Variants in TMEM135 observed in about 807,000 individuals in gnomAD.
TMEM135 encodes the protein transmembrane protein 135.
A neutral mutation model predicts 60.3 loss-of-function variants in TMEM135; 30 were observed. That is an observed-to-expected ratio of 0.50 (90% CI 0.37 to 0.68). The LOEUF is 0.68. Among genes scored for constraint, TMEM135 ranks in the 30% least tolerant of loss-of-function variants. The pLI, the probability that TMEM135 is intolerant of heterozygous loss-of-function variation, is 0.00. For missense variants in TMEM135, 468 were observed against 548.8 expected, an observed-to-expected ratio of 0.85 and a Z score of 1.47; for synonymous variants, 190 against 186.7, an observed-to-expected ratio of 1.02 and a Z score of -0.14.
intron 5 of TMEM135, among the ~76,000 whole-genome samples, chr11:87,224,013 G>T (rs1940711903): frequency 1.3e-5 from 2 of 152,196 alleles, no homozygotes; most frequent in African/African-American, 2.4e-5. Context: ...ATTAAGGAAA[G>T]ATTTTCTCAA....
intron 4 of TMEM135, among the ~76,000 whole-genome samples, chr11:87,123,981 A>G (rs1937649063): frequency 6.6e-6 from 1 of 152,194 alleles, no homozygotes; most frequent in African/African-American, 2.4e-5. Flanking sequence ...CTGCACCTGA[A>G]ACTAAGTGAT....
chr11:87,154,286 CATGTTGTATACT>C (rs1332531265), intron 4 of TMEM135, among the ~76,000 whole-genome samples: 7 of 152,240 alleles, frequency 4.6e-5, no homozygotes, highest in Non-Finnish European at 1.0e-4. Flanking sequence ...AGTGCTCATC[CATGTTGTATACT>C]ATATCAGAAT....
At chr11:87,168,413 A>G (rs550363715) in intron 5 of TMEM135, among the ~76,000 whole-genome samples, 2 of 151,870 alleles carry the variant, frequency 1.3e-5, no homozygotes, top group Non-Finnish European at 2.9e-5. Flanking sequence ...TTGATTTTAG[A>G]TCTTTCCCAC....
intron 3 of TMEM135, among the ~76,000 whole-genome samples, chr11:87,075,177 G>A (rs1021846094): frequency 6.6e-6 from 1 of 151,346 alleles, no homozygotes; most frequent in Non-Finnish European, 1.5e-5. Flanking sequence ...TATTTTTTTT[G>A]AGACGGAGTC....
rs1940934067 is a variant in TMEM135, at chr11:87,233,601, T to A, written c.463-3037T>A. Among the ~76,000 whole-genome samples, 3 of 152,148 alleles carry A rather than the reference T, an allele frequency of 2.0e-5. 1 individual carries two copies. In the South Asian group the frequency reaches 6.2e-4, roughly 31 times the overall value. ...TTTAAATATGTACAATTTATATTAA[T>A]TATACCTCAATAAAGCTATTAAATC... On this transcript the variant is annotated intron_variant, in intron 5 of 14. Coordinates refer to ENST00000305494, the MANE Select transcript of TMEM135 (RefSeq NM_022918.4).
At chr11:87,167,001 C>G (rs539519105) in intron 5 of TMEM135, among the ~76,000 whole-genome samples, 1 of 152,204 alleles carries the variant, frequency 6.6e-6, no homozygotes, top group South Asian at 2.1e-4. Context: ...GTTTCTGGAT[C>G]TCTTTGAAGA....
chr11:87,302,501 A>C (rs1942467123), intron 8 of TMEM135, 59 bp downstream of exon 8: 16 of 1,604,672 alleles, frequency 1.0e-5, no homozygotes, highest in Non-Finnish European at 1.4e-5. Context: ...TGATATTTGT[A>C]CCATGCCAAG....
intron 7 of TMEM135, among the ~76,000 whole-genome samples, chr11:87,298,029 G>A (rs1420823532): frequency 6.6e-6 from 1 of 152,256 alleles, no homozygotes; most frequent in East Asian, 1.9e-4. Context: ...AAAAAATAAT[G>A]TGAGTTAATA....
intron 4 of TMEM135, among the ~76,000 whole-genome samples, chr11:87,107,490 C>T (rs1857628475): frequency 6.6e-6 from 1 of 151,474 alleles, no homozygotes; most frequent in African/African-American, 2.4e-5. Context: ...GTTCAATTCT[C>T]ACCTATGAGT....
intron 3 of TMEM135, among the ~76,000 whole-genome samples, chr11:87,083,489 T>A (rs1857031655): frequency 6.6e-6 from 1 of 152,206 alleles, no homozygotes; most frequent in Non-Finnish European, 1.5e-5. Flanking sequence ...AATTGCATAT[T>A]TATTGCAAGC....
At chr11:87,205,820 T>C (rs971741643) in intron 5 of TMEM135, among the ~76,000 whole-genome samples, 1 of 152,188 alleles carries the variant, frequency 6.6e-6, no homozygotes, top group Non-Finnish European at 1.5e-5. Flanking sequence ...TGCCACATTC[T>C]CTGCCTCTCA....
At chr11:87,157,441 T>C in intron 5 of TMEM135, 35 bp downstream of exon 5, 1 of 1,568,890 alleles carries the variant, frequency 6.4e-7, no homozygotes, top group Middle Eastern at 1.7e-4. Context: ...TATTAGTTGT[T>C]AATTTATAGT....
intron 5 of TMEM135, among the ~76,000 whole-genome samples, chr11:87,191,013 G>C (rs1165945640): frequency 2.0e-5 from 3 of 152,012 alleles, no homozygotes; most frequent in Admixed American, 6.6e-5. Flanking sequence ...TTGCAACATA[G>C]GTTCTTATGA....
chr11:87,195,315 T>TTCCG lies in TMEM135; in HGVS notation c.462+37912_462+37913insGTCC, dbSNP rs1939911561. ...AAAGTCATTTTCTCTTTCTTTCTCTTTCCTTCCTTCCTTCCTTCCTTCCTT... is the reference window on the plus strand; with the variant it reads ...AAAGTCATTTTCTCTTTCTTTCTCTTTCCGTCCTTCCTTCCTTCCTTCCTTCCTT... On this transcript the variant is annotated intron_variant, in intron 5 of 14. Coordinates refer to ENST00000305494, the MANE Select transcript of TMEM135 (RefSeq NM_022918.4). Among the ~76,000 whole-genome samples, 3 of 5,508 alleles carry TTCCG rather than the reference T, an allele frequency of 5.4e-4. No homozygotes were observed. In the East Asian group the frequency reaches 9.1e-3, roughly 17 times the overall value. 3.6% of individuals were successfully genotyped at this position (5,508 alleles called of 152,430 possible).
chr11:87,328,356 ATTTGC>A lies in TMEM135; in HGVS notation c.*7026_*7030del. The A allele has an allele frequency of 2.2e-6, 1 of 453,962 alleles. No individual in the cohort carries two copies. The highest frequency in any genetic ancestry group is 4.4e-6 in the Non-Finnish European group (1 of 226,766). 28.1% of individuals were successfully genotyped at this position (453,962 alleles called of 1,614,324 possible). On this transcript the variant is annotated 3_prime_UTR_variant, in exon 15 of 15. Transcript: ENST00000305494. ...TATGTGTCATTTAATTAAGGAATGA[ATTTGC>A]TTATTTTTATTTCAGTAGCTTTTGG... is the stretch of plus-strand genomic sequence containing the variant.
chr11:87,056,301 C>T (rs1433711460), intron 1 of TMEM135, among the ~76,000 whole-genome samples: 2 of 152,172 alleles, frequency 1.3e-5, no homozygotes, highest in African/African-American at 4.8e-5. Flanking sequence ...GTCTCAGCCT[C>T]ATTTTCCTAG....
chr11:87,146,652 G>T, intron 4 of TMEM135, among the ~76,000 whole-genome samples: 1 of 152,066 alleles, frequency 6.6e-6, no homozygotes, highest in Non-Finnish European at 1.5e-5. Context: ...ATTAGTATTT[G>T]TCAAACATCC....
intron 9 of TMEM135, among the ~76,000 whole-genome samples, chr11:87,306,377 G>A (rs576335928): frequency 1.3e-5 from 2 of 152,334 alleles, no homozygotes; most frequent in South Asian, 4.1e-4. Flanking sequence ...ACTGTGCTGT[G>A]TGCTAGCTGG....
chr11:87,236,612 A>G (rs943687266), intron 5 of TMEM135, 26 bp from the exon 6 acceptor site: 1 of 1,608,192 alleles, frequency 6.2e-7, no homozygotes, highest in African/African-American at 1.3e-5. Flanking sequence ...TTCTTTTGCA[A>G]GTAATATATT....
Sources: allele counts gnomAD v4.1 joint callset (sites outside exome capture counted in the v4.1 genomes callset), GRCh38; gene constraint gnomAD v4.1.1; transcripts MANE v1.5; gene names NCBI Gene and HGNC (gene_info 2026-07-23, HGNC 2026-07-21).